Variants in WIPF1 observed in about 807,000 individuals in gnomAD.
WIPF1 encodes WAS/WASL-interacting protein family member 1.
WIPF1 carries 13 observed loss-of-function variants against 35.4 expected under a neutral mutation model. That is an observed-to-expected ratio of 0.37 (90% CI 0.24 to 0.58). The LOEUF is 0.58. Among genes scored for constraint, WIPF1 ranks in the 20% least tolerant of loss-of-function variants. The pLI, the probability that WIPF1 is intolerant of heterozygous loss-of-function variation, is 0.74. For synonymous variants in WIPF1, 267 were observed against 266.3 expected, an observed-to-expected ratio of 1.00 and a Z score of -0.02; for missense variants, 591 against 667.0, an observed-to-expected ratio of 0.89 and a Z score of 1.25.
At chr2:174,572,563 GA>G in intron 4 of WIPF1, 117 bp from the exon 5 acceptor site, 7 of 1,323,996 alleles carry the variant, frequency 5.3e-6, no homozygotes, top group Non-Finnish European at 7.1e-6. Flanking sequence ...TAAAATACAG[GA>G]AACTATTATT....
intron 3 of WIPF1, among the ~76,000 whole-genome samples, chr2:174,580,781 T>C (rs748439670): frequency 1.3e-5 from 2 of 152,248 alleles, no homozygotes; most frequent in Non-Finnish European, 2.9e-5. Context: ...AAGCTCCTAA[T>C]AATTGTATCT....
chr2:174,662,913 G>A (rs148020015), intron 1 of WIPF1, among the ~76,000 whole-genome samples: 48 of 152,294 alleles, frequency 3.2e-4, no homozygotes, highest in African/African-American at 1.1e-3. Context: ...AATATTTACA[G>A]ATTCCTAATT....
intron 1 of WIPF1, chr2:174,655,750 C>G (rs1687627088): frequency 6.6e-6 from 1 of 152,520 alleles, no homozygotes; most frequent in Non-Finnish European, 1.5e-5. Flanking sequence ...TTTTTCCAGC[C>G]CAGACTCACC....
chr2:174,583,179 T>C (rs1168534842), intron 2 of WIPF1, among the ~76,000 whole-genome samples: 1 of 152,258 alleles, frequency 6.6e-6, no homozygotes, highest in African/African-American at 2.4e-5. Flanking sequence ...CTTCCAGAAA[T>C]GCTCTCTGCA....
intron 3 of WIPF1, among the ~76,000 whole-genome samples, chr2:174,575,648 A>G (rs1685035334): frequency 6.6e-6 from 1 of 152,216 alleles, no homozygotes; most frequent in Non-Finnish European, 1.5e-5. Flanking sequence ...ATGGGTCAGT[A>G]TCTGTTTGTT....
chr2:174,678,823 A>G (rs1481269492), intron 1 of WIPF1, among the ~76,000 whole-genome samples: 1 of 152,226 alleles, frequency 6.6e-6, no homozygotes, highest in Non-Finnish European at 1.5e-5. Flanking sequence ...CCTCAATACT[A>G]AGATTCTTTT....
At chr2:174,565,036 C>A (rs958352427) in intron 7 of WIPF1, among the ~76,000 whole-genome samples, 8 of 151,954 alleles carry the variant, frequency 5.3e-5, no homozygotes, top group Non-Finnish European at 1.2e-4. Context: ...GCTGGGATTA[C>A]ACGCATGCGC....
At chr2:174,607,670 A>G (rs985513597) in intron 1 of WIPF1, among the ~76,000 whole-genome samples, 51 of 150,678 alleles carry the variant, frequency 3.4e-4, no homozygotes, top group Admixed American at 6.6e-5. Context: ...TGCCTTAGGG[A>G]TTTTGTGCTT....
At chr2:174,679,392 T>C (rs1044570488) in intron 1 of WIPF1, among the ~76,000 whole-genome samples, 2 of 150,788 alleles carry the variant, frequency 1.3e-5, no homozygotes, top group Non-Finnish European at 2.9e-5. Flanking sequence ...CACTTGAGCC[T>C]GGGAGGCAGA....
chr2:174,639,665 T>C (rs541744350), intron 1 of WIPF1, among the ~76,000 whole-genome samples: 1 of 152,316 alleles, frequency 6.6e-6, no homozygotes, highest in South Asian at 2.1e-4. Context: ...CGGTAGGTGA[T>C]CTCTTCACTC....
chr2:174,625,214 A>G (rs1415987984), intron 1 of WIPF1, among the ~76,000 whole-genome samples: 1 of 152,190 alleles, frequency 6.6e-6, no homozygotes. Flanking sequence ...CTCAGTCCAC[A>G]GGTGTCATAC....
At chr2:174,618,528 TTAATAC>T (rs1332700786) in intron 1 of WIPF1, among the ~76,000 whole-genome samples, 3 of 152,166 alleles carry the variant, frequency 2.0e-5, no homozygotes, top group African/African-American at 7.2e-5. Flanking sequence ...TCTAATAATA[TTAATAC>T]TAACAGTAAT....
intron 3 of WIPF1, among the ~76,000 whole-genome samples, chr2:174,579,248 G>A (rs1047973329): frequency 1.3e-5 from 2 of 152,104 alleles, no homozygotes; most frequent in African/African-American, 2.4e-5. Flanking sequence ...TCAGGTGATC[G>A]ACTTGCCTCA....
chr2:174,603,608 C>A (rs921632901), intron 1 of WIPF1, among the ~76,000 whole-genome samples: 30 of 152,174 alleles, frequency 2.0e-4, no homozygotes, highest in Admixed American at 1.2e-3. Context: ...TTTCTTGTGT[C>A]TTTTAGTAAG....
chr2:174,646,652 T>G (rs1306011905), intron 1 of WIPF1, among the ~76,000 whole-genome samples: 1 of 151,844 alleles, frequency 6.6e-6, no homozygotes, highest in Admixed American at 6.6e-5. Flanking sequence ...TGAGATGGAG[T>G]CTCATTCTGT....
At chr2:174,650,389 T>C (rs1179693321) in intron 1 of WIPF1, among the ~76,000 whole-genome samples, 1 of 152,244 alleles carries the variant, frequency 6.6e-6, no homozygotes, top group Non-Finnish European at 1.5e-5. Context: ...GTTCACTCTG[T>C]GTACACACAA....
chr2:174,665,640 TAATAG>T (rs1465475592), intron 1 of WIPF1: 1 of 152,242 alleles, frequency 6.6e-6, no homozygotes, highest in African/African-American at 2.4e-5. Context: ...TTTTTCTTCT[TAATAG>T]AAAAGGAAAT....
chr2:174,620,241 C>G (rs1046421913), intron 1 of WIPF1, among the ~76,000 whole-genome samples: 1 of 152,128 alleles, frequency 6.6e-6, no homozygotes, highest in African/African-American at 2.4e-5. Flanking sequence ...CTAAGGTAAC[C>G]AAAACTCAGA....
chr2:174,650,599 ATTG>A (rs2105960708), intron 1 of WIPF1, among the ~76,000 whole-genome samples: 1 of 152,308 alleles, frequency 6.6e-6, no homozygotes, highest in Admixed American at 6.5e-5. Flanking sequence ...CTCCATGATG[ATTG>A]ACTCTCTTTA....
Sources: gnomAD v4.1 joint callset for allele counts (sites outside exome capture counted in the v4.1 genomes callset) on GRCh38, gnomAD v4.1.1 for gene constraint, MANE v1.5 for transcripts, NCBI Gene and HGNC (gene_info 2026-07-23, HGNC 2026-07-21) for gene names.